ADGRL3: variants seen among roughly 807,000 people sequenced by gnomAD.
ADGRL3 encodes adhesion G protein-coupled receptor L3.
A neutral mutation model predicts 153.5 loss-of-function variants in ADGRL3; 62 were observed. The observed-to-expected ratio is 0.40, with a 90% CI of 0.33 to 0.50. The LOEUF (loss-of-function observed/expected upper bound fraction) is 0.50, where lower values mean the gene tolerates loss of function less well. ADGRL3 is among the 20% of genes least tolerant of loss of function. The probability of loss-of-function intolerance (pLI) is 0.47; values close to 1 mark genes in which losing one functional copy is unlikely to be tolerated. For synonymous variants in ADGRL3, 710 were observed against 672.5 expected (o/e 1.06, Z -0.86); for missense variants, 1,641 against 1,859.4 (o/e 0.88, Z 2.16).
At chr4:61,655,434 T>G (rs1388769029) in intron 5 of ADGRL3, among the ~76,000 whole-genome samples, 1 of 152,174 alleles carries the variant, frequency 6.6e-6, no homozygotes, top group Non-Finnish European at 1.5e-5. Flanking sequence ...TTTATTATTT[T>G]CTTTAACAGT....
intron 9 of ADGRL3, among the ~76,000 whole-genome samples, chr4:61,852,136 T>C (rs1335309138): frequency 1.3e-5 from 2 of 152,094 alleles, no homozygotes; most frequent in Non-Finnish European, 2.9e-5. Context: ...CTTAGAACCC[T>C]TTTTTAAAAG....
Position 61,500,803 on chromosome 4 carries a change from T to C in ADGRL3, c.55+3455T>C, listed in dbSNP as rs1431353684. Reference sequence around the variant, plus strand: ...TGGGTTTATTTTTCATTATTTGTTATTATCATAATCACTATCTTTACAGGT... The same window carrying C: ...TGGGTTTATTTTTCATTATTTGTTACTATCATAATCACTATCTTTACAGGT... On this transcript the variant is annotated intron_variant, in intron 3 of 26. Transcript: ENST00000683033. Among the ~76,000 whole-genome samples the C allele has an allele frequency of 3.9e-5, 6 of 152,324 alleles. No homozygotes were observed. In the South Asian group the frequency reaches 8.3e-4, roughly 21 times the overall value.
At chr4:61,468,357 G>C (rs1056366103) in intron 2 of ADGRL3, among the ~76,000 whole-genome samples, 1 of 152,108 alleles carries the variant, frequency 6.6e-6, no homozygotes, top group Non-Finnish European at 1.5e-5. Context: ...CTCAGTGTGA[G>C]GTGCAGCTGG....
intron 4 of ADGRL3, among the ~76,000 whole-genome samples, chr4:61,552,058 T>G (rs1368277618): frequency 2.6e-5 from 4 of 152,126 alleles, no homozygotes; most frequent in Non-Finnish European, 4.4e-5. Context: ...CAATACCAAT[T>G]TAGGGGCTGT....
At chr4:61,206,006 G>A (rs1209418756) in intron 1 of ADGRL3, among the ~76,000 whole-genome samples, 1 of 152,160 alleles carries the variant, frequency 6.6e-6, no homozygotes, top group African/African-American at 2.4e-5. Flanking sequence ...GGATTCATAA[G>A]CACAAAATGT....
intron 1 of ADGRL3, among the ~76,000 whole-genome samples, chr4:61,295,770 G>C (rs913785159): frequency 5.3e-5 from 8 of 150,780 alleles, no homozygotes; most frequent in African/African-American, 2.0e-4. Context: ...ACCAGCCTAG[G>C]CAACATAGAG....
At chr4:61,949,353 C>CT (rs2098938050) in intron 17 of ADGRL3, among the ~76,000 whole-genome samples, 1 of 152,022 alleles carries the variant, frequency 6.6e-6, no homozygotes, top group Admixed American at 6.5e-5. Flanking sequence ...AAAAATAATA[C>CT]TTTTTTTCTG....
rs79158389 is a variant in ADGRL3 at position 61,424,479 on chromosome 4, T to G, written c.-174+41290T>G. Among the ~76,000 whole-genome samples the G allele has an allele frequency of 2.7e-3, 411 of 152,256 alleles. 8 individuals carry two copies. Among genetic ancestry groups the G allele is most frequent in the East Asian group, 3.9e-3 (20 of 5,168 alleles). Reference sequence around the variant, plus strand: ...ATCCCTGTTACGCTCCCCATGATTATCAGGGCCCAACGTAGGCCAGAGCTC... The same window carrying G: ...ATCCCTGTTACGCTCCCCATGATTAGCAGGGCCCAACGTAGGCCAGAGCTC... On this transcript the variant is annotated intron_variant, in intron 2 of 26. Transcript: ENST00000683033.
chr4:61,293,834 AT>A (rs2094312175), intron 1 of ADGRL3, among the ~76,000 whole-genome samples: 1 of 152,182 alleles, frequency 6.6e-6, no homozygotes, highest in Non-Finnish European at 1.5e-5. Flanking sequence ...GACCTTCCTA[AT>A]TATGTTACCT....
intron 1 of ADGRL3, among the ~76,000 whole-genome samples, chr4:61,339,252 T>A (rs1456364376): frequency 2.6e-5 from 4 of 152,332 alleles, no homozygotes; most frequent in African/African-American, 9.6e-5. Context: ...CGTAACACAA[T>A]GCTTCACACA....
At position 61,946,917 on chromosome 4, in the gene ADGRL3, A is replaced by G; in HGVS notation, c.2423A>G (p.Glu808Gly). The stretch of plus-strand genomic sequence containing the variant: ...TCAGAGTTTGCATTTACTTTAGGAG[A>G]GATCAGAGTGGCCTTTGTCCTGTAT... ...NTLKQNGRNGEIRVAFVLYNN... is the reference protein window; with the variant it reads ...NTLKQNGRNGGIRVAFVLYNN... The change falls in exon 16 of 27, where the codon GAG becomes GGG. Residue 808 changes from glutamate to glycine, a missense_variant. Transcript: ENST00000683033. 1 of 1,612,718 alleles carries G rather than the reference A, an allele frequency of 6.2e-7. No homozygotes were observed. The highest frequency in any genetic ancestry group is 8.5e-7 in the Non-Finnish European group (1 of 1,178,782).
chr4:61,932,089 T>C (rs2098819956), intron 13 of ADGRL3, among the ~76,000 whole-genome samples: 1 of 152,064 alleles, frequency 6.6e-6, no homozygotes. Flanking sequence ...ATATATTTAA[T>C]GGAGTCTTTC....
At chr4:61,960,591 T>C (rs1182576620) in intron 17 of ADGRL3, among the ~76,000 whole-genome samples, 1 of 152,230 alleles carries the variant, frequency 6.6e-6, no homozygotes, top group Non-Finnish European at 1.5e-5. Flanking sequence ...TTTAATGTTT[T>C]ACATTTACCA....
At chr4:61,599,338 A>T (rs1197837403) in intron 5 of ADGRL3, among the ~76,000 whole-genome samples, 1 of 152,134 alleles carries the variant, frequency 6.6e-6, no homozygotes, top group Non-Finnish European at 1.5e-5. Flanking sequence ...GGTAGGTCAG[A>T]TAATTCCTTT....
At chr4:62,002,829 A>G (rs892354336) in intron 21 of ADGRL3, among the ~76,000 whole-genome samples, 3 of 152,122 alleles carry the variant, frequency 2.0e-5, no homozygotes, top group Non-Finnish European at 4.4e-5. Flanking sequence ...ACTCTAACCT[A>G]ATTTAAAAAT....
At chr4:61,911,193 A>T (rs560784714) in intron 12 of ADGRL3, among the ~76,000 whole-genome samples, 1 of 152,288 alleles carries the variant, frequency 6.6e-6, no homozygotes, top group African/African-American at 2.4e-5. Context: ...TTAATGTTAC[A>T]TATCCATAAC....
At chr4:61,662,673 G>T (rs960282886) in intron 5 of ADGRL3, among the ~76,000 whole-genome samples, 2 of 152,230 alleles carry the variant, frequency 1.3e-5, no homozygotes, top group African/African-American at 4.8e-5. Flanking sequence ...GGAAAGGGGT[G>T]GTTCCCAGTG....
intron 9 of ADGRL3, among the ~76,000 whole-genome samples, chr4:61,892,306 A>T (rs1403018852): frequency 6.6e-6 from 1 of 151,954 alleles, no homozygotes; most frequent in East Asian, 1.9e-4. Context: ...TTCTAAGGAG[A>T]GGGCTTAAAG....
intron 8 of ADGRL3, among the ~76,000 whole-genome samples, chr4:61,739,430 C>T (rs938889820): frequency 2.6e-5 from 4 of 151,916 alleles, no homozygotes; most frequent in Non-Finnish European, 4.4e-5. Flanking sequence ...AGCCTCAGCC[C>T]CCTGAGTAGC....
Sources: gnomAD v4.1 joint callset for allele counts (sites outside exome capture counted in the v4.1 genomes callset) on GRCh38, gnomAD v4.1.1 for gene constraint, MANE v1.5 for transcripts, NCBI Gene and HGNC (gene_info 2026-07-23, HGNC 2026-07-21) for gene names.